PLPPR1: variants seen among roughly 807,000 people sequenced by gnomAD.
PLPPR1 encodes the protein phospholipid phosphatase-related protein type 1.
Under a neutral mutation model 33.1 loss-of-function variants are expected in PLPPR1, and 10 were observed. The observed-to-expected ratio is 0.30, with a 90% CI of 0.19 to 0.51. The LOEUF (loss-of-function observed/expected upper bound fraction) is 0.51, where lower values mean the gene tolerates loss of function less well. Ranked by LOEUF, PLPPR1 falls within the 20% of genes least tolerant of loss-of-function variation. The probability of loss-of-function intolerance (pLI) is 0.97; values close to 1 mark genes in which losing one functional copy is unlikely to be tolerated. For synonymous variants in PLPPR1, 151 were observed against 151.0 expected (o/e 1.00, Z 0.00); for missense variants, 304 against 408.1 (o/e 0.74, Z 2.20).
At chr9:101,249,302 G>A (rs1234405060) in intron 2 of PLPPR1, among the ~76,000 whole-genome samples, 1 of 152,024 alleles carries the variant, frequency 6.6e-6, no homozygotes, top group East Asian at 1.9e-4. Context: ...TTCTTTAAGT[G>A]AGCTTAGAAA....
intron 4 of PLPPR1, among the ~76,000 whole-genome samples, chr9:101,298,756 A>C (rs1269878975): frequency 6.6e-6 from 1 of 152,208 alleles, no homozygotes; most frequent in Non-Finnish European, 1.5e-5. Flanking sequence ...CATTCAGTTT[A>C]TAGTCTGATA....
At chr9:101,166,832 C>A (rs546225337) in intron 1 of PLPPR1, among the ~76,000 whole-genome samples, 1 of 152,018 alleles carries the variant, frequency 6.6e-6, no homozygotes, top group South Asian at 2.1e-4. Flanking sequence ...ACAGTGCTCC[C>A]CTGACTGCGT....
chr9:101,165,826 C>T (rs1480541636), intron 1 of PLPPR1, among the ~76,000 whole-genome samples: 1 of 152,170 alleles, frequency 6.6e-6, no homozygotes, highest in Non-Finnish European at 1.5e-5. Context: ...CCATGACTCT[C>T]ACTTTAATCA....
At position 101,309,265 on chromosome 9, in the gene PLPPR1, T is replaced by C. The variant is rs975934254; in HGVS notation, c.440T>C (p.Val147Ala). Reference protein sequence around the residue: ...ATDIFVNAGQVVTGHLTPYFL... With the variant: ...ATDIFVNAGQAVTGHLTPYFL... Reference sequence around the variant, plus strand: ...GACATTTTTGTAAACGCCGGACAAGTGGTCACTGGGCACTTAACGCCATAC... The same window carrying C: ...GACATTTTTGTAAACGCCGGACAAGCGGTCACTGGGCACTTAACGCCATAC... Residue 147 changes from valine to alanine, a missense_variant, in exon 5 of 8, where the codon GTG becomes GCG. Transcript: ENST00000374874. 6.2e-7 allele frequency: 1 copy of C among 1,614,170 alleles called. No individual in the cohort carries two copies.
chr9:101,222,823 A>T (rs1013627855), intron 2 of PLPPR1, among the ~76,000 whole-genome samples: 2 of 152,080 alleles, frequency 1.3e-5, no homozygotes, highest in Non-Finnish European at 2.9e-5. Context: ...ATCATAAAGC[A>T]AACCCCCGCC....
intron 1 of PLPPR1, among the ~76,000 whole-genome samples, chr9:101,154,896 G>A (rs1297475918): frequency 1.4e-5 from 2 of 145,810 alleles, no homozygotes; most frequent in Non-Finnish European, 1.5e-5. Context: ...TCACTCATAG[G>A]TGGGAATTGA....
chr9:101,245,323 T>C (rs547806237), intron 2 of PLPPR1, among the ~76,000 whole-genome samples: 11 of 152,004 alleles, frequency 7.2e-5, no homozygotes, highest in Admixed American at 2.0e-4. Flanking sequence ...TATTGCAATA[T>C]AACGTGTGGT....
At chr9:101,053,679 A>T (rs574557770) in intron 1 of PLPPR1, among the ~76,000 whole-genome samples, 9 of 152,196 alleles carry the variant, frequency 5.9e-5, no homozygotes, top group Admixed American at 3.3e-4. Context: ...ATATGAATCA[A>T]TAAGTGAATA....
At chr9:101,310,722 G>T (rs1433263689) in intron 5 of PLPPR1, among the ~76,000 whole-genome samples, 1 of 152,164 alleles carries the variant, frequency 6.6e-6, no homozygotes, top group Non-Finnish European at 1.5e-5. Context: ...CTATGGGTCT[G>T]ATCTATTTAT....
chr9:101,162,913 T>C (rs1021851935), intron 1 of PLPPR1, among the ~76,000 whole-genome samples: 1 of 152,168 alleles, frequency 6.6e-6, no homozygotes, highest in African/African-American at 2.4e-5. Context: ...TCCACATTTC[T>C]CCTCCAATCT....
At chr9:101,039,860 T>C (rs925317305) in intron 1 of PLPPR1, among the ~76,000 whole-genome samples, 1 of 150,516 alleles carries the variant, frequency 6.6e-6, no homozygotes, top group African/African-American at 2.5e-5. Flanking sequence ...CACATGGGAA[T>C]TGTGGGAATT....
At chr9:101,195,850 G>A (rs1029500478) in intron 2 of PLPPR1, among the ~76,000 whole-genome samples, 8 of 152,206 alleles carry the variant, frequency 5.3e-5, no homozygotes, top group African/African-American at 1.2e-4. Flanking sequence ...TCTTCATAAC[G>A]TTGAATGAAT....
intron 1 of PLPPR1, among the ~76,000 whole-genome samples, chr9:101,141,637 G>T (rs1564156150): frequency 6.6e-6 from 1 of 152,154 alleles, no homozygotes; most frequent in Non-Finnish European, 1.5e-5. Context: ...GCTTAGAAAA[G>T]AATCCAACCC....
chr9:101,036,192 C>T (rs1473541578), intron 1 of PLPPR1, among the ~76,000 whole-genome samples: 1 of 152,158 alleles, frequency 6.6e-6, no homozygotes, highest in East Asian at 1.9e-4. Context: ...CCCAGCCCTG[C>T]TCTTTCCACA....
chr9:101,193,770 T>A (rs1295639512), intron 2 of PLPPR1, among the ~76,000 whole-genome samples: 1 of 152,212 alleles, frequency 6.6e-6, no homozygotes, highest in Non-Finnish European at 1.5e-5. Context: ...GAGGAGCTAA[T>A]TGATTTACTT....
intron 1 of PLPPR1, among the ~76,000 whole-genome samples, chr9:101,060,497 T>C (rs900832354): frequency 1.3e-5 from 2 of 151,978 alleles, no homozygotes; most frequent in Admixed American, 1.3e-4. Context: ...TGTGAGGTAA[T>C]GCATATGTTA....
intron 1 of PLPPR1, among the ~76,000 whole-genome samples, chr9:101,035,781 C>T (rs1830003304): frequency 6.6e-6 from 1 of 152,112 alleles, no homozygotes; most frequent in African/African-American, 2.4e-5. Context: ...TATAGAAAAT[C>T]ATAGGATTGT....
rs181693674 is a variant in PLPPR1 at position 101,116,583 on chromosome 9, G to C, written c.-45-68867G>C. 2.4e-3 allele frequency among the ~76,000 whole-genome samples: 362 copies of C among 152,232 alleles called. 12 individuals carry two copies. Among genetic ancestry groups the C allele is most frequent in the Admixed American group, 0.016 (239 of 15,286 alleles). On this transcript the variant is annotated intron_variant, in intron 1 of 7. Transcript: ENST00000374874. ...TAATCCCAGGACTTTGGGAGGCCAAGGCGGGCGGATCACAAGGTCAAGAGA... is the reference window on the plus strand; with the variant it reads ...TAATCCCAGGACTTTGGGAGGCCAACGCGGGCGGATCACAAGGTCAAGAGA...
intron 4 of PLPPR1, among the ~76,000 whole-genome samples, chr9:101,292,421 A>G (rs990326561): frequency 3.3e-4 from 51 of 152,262 alleles, no homozygotes; most frequent in African/African-American, 1.2e-3. Context: ...CCAACATTCA[A>G]ATTCAGGAAA....
Sources: allele counts gnomAD v4.1 joint callset (sites outside exome capture counted in the v4.1 genomes callset), GRCh38; gene constraint gnomAD v4.1.1; transcripts MANE v1.5; gene names NCBI Gene and HGNC (gene_info 2026-07-23, HGNC 2026-07-21).